Variants in RPP14 observed in about 807,000 individuals in gnomAD.
The protein encoded by RPP14 is ribonuclease P/MRP subunit p14.
Under a neutral mutation model 17.8 loss-of-function variants are expected in RPP14, and 19 were observed. That is an observed-to-expected ratio of 1.07 (90% CI 0.74 to 1.57). The LOEUF is 1.57. Ranked by LOEUF, RPP14 falls within the 40% of genes most tolerant of loss-of-function variation. RPP14 has a pLI of 0.00. For synonymous variants in RPP14, 60 were observed against 56.4 expected (o/e 1.06, Z -0.29); for missense variants, 125 against 140.8 (o/e 0.89, Z 0.57).
chr3:58,309,427 C>T (rs747161976), intron 1 of RPP14, among the ~76,000 whole-genome samples: 1 of 152,178 alleles, frequency 6.6e-6, no homozygotes, highest in Non-Finnish European at 1.5e-5. Flanking sequence ...AAATGTTTAG[C>T]AAAGAGCTGG....
Position 58,306,393 on chromosome 3 carries a change from G to A in RPP14, c.-46G>A, listed in dbSNP as rs2097474541. The stretch of plus-strand genomic sequence containing the variant: ...GCGGCGAATAGGAGTCTGGTCAGGC[G>A]TCAGGCTAGTCCGACGAAGAGTGGG... On this transcript the variant is annotated 5_prime_UTR_variant, in exon 1 of 6. Transcript: ENST00000295959. 1 of 152,334 alleles carries A rather than the reference G, an allele frequency of 6.6e-6. No individual in the cohort carries two copies. The highest frequency in any genetic ancestry group is 1.5e-5 in the Non-Finnish European group (1 of 68,064). 9.4% of individuals were successfully genotyped at this position (152,334 alleles called of 1,614,324 possible). A position where few individuals can be genotyped will look rare whatever the true frequency, so the allele number is the denominator to read the frequency against.
intron 3 of RPP14, among the ~76,000 whole-genome samples, chr3:58,314,818 A>G (rs13080813): frequency 0.07 from 10,653 of 151,200 alleles, 491 homozygotes; most frequent in South Asian, 0.1. Context: ...CCAAGTAGCT[A>G]GGACTACAGG....
chr3:58,315,890 G>A (rs2097487769), intron 3 of RPP14: 1 of 152,244 alleles, frequency 6.6e-6, no homozygotes, highest in South Asian at 2.1e-4. Flanking sequence ...TGATCAGGCT[G>A]GTCTCAAACT....
Position 58,310,580 on chromosome 3 carries a change from C to A in RPP14, c.151C>A (p.Leu51Met). 1 of 1,611,668 alleles carries A rather than the reference C, an allele frequency of 6.2e-7. No homozygotes were observed. Among genetic ancestry groups the A allele is most frequent in the Non-Finnish European group, 8.5e-7 (1 of 1,179,070 alleles). Residue 51 changes from leucine to methionine, a missense_variant, in exon 3 of 6, where the codon CTG becomes ATG. Physicochemically the swap from Leu to Met is conservative, Grantham distance 15. Coordinates refer to ENST00000295959, the MANE Select transcript of RPP14 (RefSeq NM_007042.6). ...GCTGCTTATTTCGGCTGTGAAGGAC[C>A]TGTTTGGGGAGGTATGGAATCACTT... ...KQLLISAVKD[L>M]FGEVDAALPL...
rs1382009459 is a variant in RPP14 at position 58,319,195 on chromosome 3, T to C, written c.*1699T>C. On this transcript the variant is annotated 3_prime_UTR_variant, in exon 6 of 6. Coordinates refer to ENST00000295959, the MANE Select transcript of RPP14 (RefSeq NM_007042.6). ...TGAATATTTTTAGACTGTTCTTCAG[T>C]ATCTGAGTCAGAGTTTATTGTAATT... is the stretch of plus-strand genomic sequence containing the variant. The C allele has an allele frequency of 6.6e-6, 1 of 152,276 alleles. No homozygotes were observed. The highest frequency in any genetic ancestry group is 1.5e-5 in the Non-Finnish European group (1 of 68,050). The allele number at this position is 152,276 out of a possible 1,614,324, so 9.4% of individuals were successfully genotyped here.
At chr3:58,316,223 G>A (rs1169421455) in intron 3 of RPP14, among the ~76,000 whole-genome samples, 1 of 152,192 alleles carries the variant, frequency 6.6e-6, no homozygotes, top group Non-Finnish European at 1.5e-5. Context: ...AAAGTATGGT[G>A]TCCTGTACAA....
At chr3:58,308,737 G>A (rs1320049523) in intron 1 of RPP14, among the ~76,000 whole-genome samples, 1 of 152,150 alleles carries the variant, frequency 6.6e-6, no homozygotes, top group African/African-American at 2.4e-5. Flanking sequence ...TTCCTTGATT[G>A]GGCCTCAGTT....
At chr3:58,310,112 A>T in intron 1 of RPP14, 197 bp from the exon 2 acceptor site, 1 of 550,488 alleles carries the variant, frequency 1.8e-6, no homozygotes, top group Non-Finnish European at 3.2e-6. Flanking sequence ...AGGCAGGAGG[A>T]TCACCTGAGC....
rs191367542 is a variant in RPP14, at chr3:58,319,659, A to G, written c.*2163A>G. 4.6e-5 allele frequency: 7 copies of G among 152,184 alleles called. No individual in the cohort carries two copies. The highest frequency in any genetic ancestry group is 4.6e-4 in the Admixed American group (7 of 15,282). 9.4% of individuals were successfully genotyped at this position (152,184 alleles called of 1,614,324 possible). On this transcript the variant is annotated 3_prime_UTR_variant, in exon 6 of 6. Coordinates refer to ENST00000295959, the MANE Select transcript of RPP14 (RefSeq NM_007042.6). ...AAAAAAAAAAAATTGTAAGAAATAAATATTAAGAAGATTATGGAGGCCAAA... is the reference window on the plus strand; with the variant it reads ...AAAAAAAAAAAATTGTAAGAAATAAGTATTAAGAAGATTATGGAGGCCAAA...
At chr3:58,309,836 G>A (rs2097480160) in intron 1 of RPP14, among the ~76,000 whole-genome samples, 1 of 152,042 alleles carries the variant, frequency 6.6e-6, no homozygotes, top group Non-Finnish European at 1.5e-5. Flanking sequence ...AGGTTGCAGT[G>A]AGCCAAGATT....
At position 58,318,873 on chromosome 3, in the gene RPP14, C is replaced by T. The variant is rs145107871; in HGVS notation, c.*1377C>T. 6.6e-6 allele frequency: 1 copy of T among 152,132 alleles called. No individual in the cohort carries two copies. The highest frequency in any genetic ancestry group is 2.4e-5 in the African/African-American group (1 of 41,462). 9.4% of individuals were successfully genotyped at this position (152,132 alleles called of 1,614,324 possible). On this transcript the variant is annotated 3_prime_UTR_variant, in exon 6 of 6. Coordinates refer to ENST00000295959, the MANE Select transcript of RPP14 (RefSeq NM_007042.6). ...AACTAACCGGGCATGGTGGCGGGCA[C>T]CTGTAATCCCAGCTACTTGGGAGGC...
chr3:58,312,793 T>G (rs945395649), intron 3 of RPP14, among the ~76,000 whole-genome samples: 1 of 151,916 alleles, frequency 6.6e-6, no homozygotes, highest in African/African-American at 2.4e-5. Context: ...AAACGCTTTC[T>G]CTACTGAAAA....
intron 1 of RPP14, among the ~76,000 whole-genome samples, chr3:58,309,718 T>C (rs571686928): frequency 1.1e-3 from 166 of 152,202 alleles, no homozygotes; most frequent in African/African-American, 3.6e-3. Flanking sequence ...GGTGAAACCC[T>C]GTCTCTACTA....
intron 3 of RPP14, among the ~76,000 whole-genome samples, chr3:58,314,675 A>AT (rs751757663): frequency 0.079 from 7,092 of 90,218 alleles, 558 homozygotes; most frequent in African/African-American, 0.11. Context: ...GTTTGGCAGT[A>AT]TTTTTTTTTT....
chr3:58,315,127 CAATG>C (rs1245111188), intron 3 of RPP14, among the ~76,000 whole-genome samples: 3 of 152,034 alleles, frequency 2.0e-5, no homozygotes, highest in East Asian at 3.9e-4. Context: ...TTTTTAATAA[CAATG>C]AAACTGAAAA....
In RPP14 at chr3:58,317,711, A is replaced by G. The variant is rs1382976915; in HGVS notation, c.*215A>G. On this transcript the variant is annotated 3_prime_UTR_variant, in exon 6 of 6. Transcript: ENST00000295959. Reference sequence around the variant, plus strand: ...GTGCTGACCCTGCAGCACTTTCAGCATATGCACATCAAAGTTGGAGACCGC... The same window carrying G: ...GTGCTGACCCTGCAGCACTTTCAGCGTATGCACATCAAAGTTGGAGACCGC... 1 of 703,964 alleles carries G rather than the reference A, an allele frequency of 1.4e-6. No individual in the cohort carries two copies. Among genetic ancestry groups the G allele is most frequent in the East Asian group, 2.7e-5 (1 of 37,306 alleles). 43.6% of individuals were successfully genotyped at this position (703,964 alleles called of 1,614,324 possible). A position where few individuals can be genotyped will look rare whatever the true frequency, so the allele number is the denominator to read the frequency against.
chr3:58,312,690 G>T (rs2097483640), intron 3 of RPP14, among the ~76,000 whole-genome samples: 1 of 152,106 alleles, frequency 6.6e-6, no homozygotes, highest in Non-Finnish European at 1.5e-5. Flanking sequence ...GCCAGGCGCA[G>T]TGGCTCACTC....
chr3:58,306,745 C>T lies in RPP14; in HGVS notation c.-22+328C>T, dbSNP rs2097475388. ...AGCTTTTTAAAGTGATTGATTTAGT[C>T]CAAAAATTGTACGTCGCACGCCCAC... On this transcript the variant is annotated intron_variant, in intron 1 of 5. Transcript: ENST00000295959. 2.0e-5 allele frequency: 3 copies of T among 152,230 alleles called. 1 individual carries two copies. In the South Asian group the frequency reaches 6.2e-4, roughly 32 times the overall value. The allele number at this position is 152,230 out of a possible 1,614,324, so 9.4% of individuals were successfully genotyped here. A position where few individuals can be genotyped will look rare whatever the true frequency, so the allele number is the denominator to read the frequency against.
In RPP14 at chr3:58,318,755, T is replaced by C. The variant is rs2097491210; in HGVS notation, c.*1259T>C. On this transcript the variant is annotated 3_prime_UTR_variant, in exon 6 of 6. Coordinates refer to ENST00000295959, the MANE Select transcript of RPP14 (RefSeq NM_007042.6). ...CAGCTCACGCCTGTAATCCCAGCAT[T>C]TTGGGAGGCTGAGGCAGGCGAATCA... The C allele has an allele frequency of 6.6e-6, 1 of 151,656 alleles. No homozygotes were observed. The highest frequency in any genetic ancestry group is 1.5e-5 in the Non-Finnish European group (1 of 67,998). The allele number at this position is 151,656 out of a possible 1,614,324, so 9.4% of individuals were successfully genotyped here.
Sources: gnomAD v4.1 joint callset for allele counts (sites outside exome capture counted in the v4.1 genomes callset) on GRCh38, gnomAD v4.1.1 for gene constraint, MANE v1.5 for transcripts, NCBI Gene and HGNC (gene_info 2026-07-23, HGNC 2026-07-21) for gene names.